The following BCL2L11 variants were observed in gnomAD, a reference collection of about 807,000 sequenced individuals.
BCL2L11 encodes the protein bcl-2-like protein 11.
BCL2L11 carries 15 observed loss-of-function variants against 20.6 expected under a neutral mutation model. The observed-to-expected ratio is 0.73, with a 90% CI of 0.49 to 1.12. The LOEUF (loss-of-function observed/expected upper bound fraction) is 1.12, where lower values mean the gene tolerates loss of function less well. Among genes scored for constraint, BCL2L11 ranks in the 50% most tolerant of loss-of-function variants. The pLI, the probability that BCL2L11 is intolerant of heterozygous loss-of-function variation, is 0.00. For synonymous variants in BCL2L11, 108 were observed against 92.8 expected (o/e 1.16, Z -0.94); for missense variants, 292 against 260.9 (o/e 1.12, Z -0.82).
In BCL2L11 at chr2:111,164,639, T is replaced by C. The variant is rs554369951; in HGVS notation, c.*408T>C. 6.3e-6 allele frequency: 1 copy of C among 158,780 alleles called. No homozygotes were observed. The highest frequency in any genetic ancestry group is 1.9e-4 in the South Asian group (1 of 5,396). The allele number at this position is 158,780 out of a possible 1,614,324, so 9.8% of individuals were successfully genotyped here. A position where few individuals can be genotyped will look rare whatever the true frequency, so the allele number is the denominator to read the frequency against. On this transcript the variant is annotated 3_prime_UTR_variant, in exon 4 of 4. Coordinates refer to ENST00000393256, the MANE Select transcript of BCL2L11 (RefSeq NM_138621.5). The stretch of plus-strand genomic sequence containing the variant: ...TAAAATTTTAAGAACCTACGGCCTA[T>C]TCTCAGAGGATTATGTAACCCCTGC...
rs149130940 is a variant in BCL2L11 at position 111,135,802 on chromosome 2, C to T, written c.394+11663C>T. On this transcript the variant is annotated intron_variant, in intron 2 of 3. Transcript: ENST00000393256. ...TAACTAACCCCACCTTGTACCCACC[C>T]GTTGCTGTTTAGTAGAGGTGGAGGC... 6.3e-3 allele frequency among the ~76,000 whole-genome samples: 955 copies of T among 152,306 alleles called. 14 individuals carry two copies. The highest frequency in any genetic ancestry group is 0.022 in the African/African-American group (900 of 41,566).
intron 2 of BCL2L11, among the ~76,000 whole-genome samples, chr2:111,144,939 A>G (rs115580541): frequency 4.3e-4 from 66 of 152,316 alleles, no homozygotes; most frequent in African/African-American, 1.5e-3. Context: ...GTTTCCCGCA[A>G]GTGCCAGACA....
chr2:111,140,550 A>G (rs994024718), intron 2 of BCL2L11, among the ~76,000 whole-genome samples: 5 of 152,212 alleles, frequency 3.3e-5, no homozygotes, highest in African/African-American at 1.2e-4. Context: ...AGGTGAGCCA[A>G]GCTCGATAAC....
chr2:111,126,099 A>G (rs2072530966), intron 2 of BCL2L11, among the ~76,000 whole-genome samples: 1 of 152,194 alleles, frequency 6.6e-6, no homozygotes, highest in African/African-American at 2.4e-5. Flanking sequence ...CCTTTCAAGC[A>G]AAATGCATAC....
chr2:111,126,143 A>G (rs1289814597), intron 2 of BCL2L11, among the ~76,000 whole-genome samples: 1 of 152,168 alleles, frequency 6.6e-6, no homozygotes, highest in Admixed American at 6.5e-5. Flanking sequence ...TAATGCATGG[A>G]AATAGTTTCT....
At chr2:111,142,785 T>C (rs899545269) in intron 2 of BCL2L11, among the ~76,000 whole-genome samples, 12 of 152,224 alleles carry the variant, frequency 7.9e-5, no homozygotes, top group Non-Finnish European at 1.3e-4. Flanking sequence ...ACACTTATTT[T>C]GTCATCAGAA....
chr2:111,141,203 A>G (rs970412235), intron 2 of BCL2L11, among the ~76,000 whole-genome samples: 1 of 152,274 alleles, frequency 6.6e-6, no homozygotes. Context: ...ATTGAGTTAG[A>G]ACAATCCACA....
intron 3 of BCL2L11, among the ~76,000 whole-genome samples, chr2:111,155,120 T>C (rs2077673188): frequency 6.6e-6 from 1 of 152,182 alleles, no homozygotes; most frequent in Admixed American, 6.5e-5. Context: ...GGGAGGCTAT[T>C]GGTAAAGGCT....
intron 2 of BCL2L11, among the ~76,000 whole-genome samples, chr2:111,144,794 C>A (rs932619417): frequency 4.6e-5 from 7 of 152,140 alleles, no homozygotes; most frequent in African/African-American, 1.7e-4. Flanking sequence ...AGAAATGGCC[C>A]TTTACAGGAT....
At chr2:111,129,306 C>T (rs967216249) in intron 2 of BCL2L11, among the ~76,000 whole-genome samples, 1 of 152,108 alleles carries the variant, frequency 6.6e-6, no homozygotes, top group African/African-American at 2.4e-5. Context: ...ACTTGTTTGA[C>T]ACCAAGAGAA....
intron 2 of BCL2L11, chr2:111,128,793 A>T (rs1471886302): frequency 6.6e-7 from 1 of 1,523,870 alleles, no homozygotes; most frequent in Non-Finnish European, 8.8e-7. Flanking sequence ...CTCTTCCTTG[A>T]GCATTTTGTC....
At chr2:111,121,587 C>T (rs2070943381) in intron 1 of BCL2L11, among the ~76,000 whole-genome samples, 4 of 152,208 alleles carry the variant, frequency 2.6e-5, no homozygotes, top group Admixed American at 1.3e-4. Context: ...CTCCGGCGCC[C>T]TCAGAGTAGC....
rs188154052 is a variant in BCL2L11 at position 111,127,487 on chromosome 2, C to T, written c.394+3348C>T. ...TCTTATAGCTGGTACTTGTCTGACC[C>T]CTCCTTTAGTTTGTGAGCTCCCTGG... is the stretch of plus-strand genomic sequence containing the variant. On this transcript the variant is annotated intron_variant, in intron 2 of 3. Coordinates refer to ENST00000393256, the MANE Select transcript of BCL2L11 (RefSeq NM_138621.5). Among the ~76,000 whole-genome samples, 15 of 150,832 alleles carry T rather than the reference C, an allele frequency of 9.9e-5. No individual in the cohort carries two copies. The South Asian group carries it at 2.3e-3, about 23-fold the overall frequency.
intron 3 of BCL2L11, among the ~76,000 whole-genome samples, chr2:111,159,818 A>G (rs1025874958): frequency 1.3e-5 from 2 of 152,188 alleles, no homozygotes; most frequent in Non-Finnish European, 2.9e-5. Flanking sequence ...AGCTCCTCCC[A>G]GGTTGCCACC....
chr2:111,164,209 G>T lies in BCL2L11; in HGVS notation c.575G>T (p.Arg192Leu). The change falls in exon 4 of 4, where the codon CGC (arginine) becomes CTC (leucine). Residue 192 changes from arginine (R) to leucine (L), a missense_variant. By Grantham distance (102) the Arg-to-Leu change is moderately radical (BLOSUM62 -2). Transcript: ENST00000393256. ...TTACGACTGTTACGTTACATTGTCCGCCTGGTGTGGAGAATGCATTGACAG... is the reference window on the plus strand; with the variant it reads ...TTACGACTGTTACGTTACATTGTCCTCCTGGTGTGGAGAATGCATTGACAG... ...VILRLLRYIVRLVWRMH is the reference protein window; with the variant it reads ...VILRLLRYIVLLVWRMH 6.2e-7 allele frequency: 1 copy of T among 1,611,954 alleles called. No homozygotes were observed. The highest frequency in any genetic ancestry group is 8.5e-7 in the Non-Finnish European group (1 of 1,178,098).
chr2:111,128,731 A>G (rs1445223888), intron 2 of BCL2L11: 2 of 1,547,906 alleles, frequency 1.3e-6, no homozygotes, highest in African/African-American at 2.7e-5. Flanking sequence ...AGAACAACTC[A>G]ACCACAAGGA....
At chr2:111,149,739 G>T (rs1003702305) in intron 2 of BCL2L11, among the ~76,000 whole-genome samples, 2 of 152,116 alleles carry the variant, frequency 1.3e-5, no homozygotes, top group African/African-American at 2.4e-5. Flanking sequence ...CCATTTTCTT[G>T]TGAGTAACTT....
intron 2 of BCL2L11, among the ~76,000 whole-genome samples, chr2:111,126,889 A>C (rs1034428559): frequency 5.9e-5 from 9 of 152,196 alleles, no homozygotes; most frequent in Non-Finnish European, 1.0e-4. Flanking sequence ...TTGCTCAGCA[A>C]CTTGGGGTAG....
chr2:111,136,640 G>A (rs2074937412), intron 2 of BCL2L11, among the ~76,000 whole-genome samples: 2 of 152,154 alleles, frequency 1.3e-5, no homozygotes, highest in African/African-American at 4.8e-5. Context: ...TGCGGTGAGG[G>A]CCACTTAGAC....
Sources: allele counts gnomAD v4.1 joint callset (sites outside exome capture counted in the v4.1 genomes callset), GRCh38; gene constraint gnomAD v4.1.1; transcripts MANE v1.5; gene names NCBI Gene and HGNC (gene_info 2026-07-23, HGNC 2026-07-21).